Variants in CNOT6L observed in about 807,000 individuals in gnomAD.
The protein encoded by CNOT6L is CCR4-NOT transcription complex subunit 6 like.
In CNOT6L, 7 loss-of-function variants were observed where a neutral mutation model predicts 64.0. The observed-to-expected ratio is 0.11, with a 90% CI of 0.06 to 0.21. The LOEUF (loss-of-function observed/expected upper bound fraction) is 0.21, where lower values mean the gene tolerates loss of function less well. Among genes scored for constraint, CNOT6L ranks in the 10% least tolerant of loss-of-function variants. CNOT6L has a pLI of 1.00. For synonymous variants in CNOT6L, 193 were observed against 243.4 expected (o/e 0.79, Z 1.93); for missense variants, 245 against 669.0 (o/e 0.37, Z 6.99).
At chr4:77,738,153 A>G (rs1183525584) in intron 8 of CNOT6L, among the ~76,000 whole-genome samples, 2 of 152,188 alleles carry the variant, frequency 1.3e-5, no homozygotes, top group African/African-American at 4.8e-5. Context: ...TACAGCAAGA[A>G]CTAAGTGCCA....
intron 4 of CNOT6L, among the ~76,000 whole-genome samples, chr4:77,766,060 T>C (rs895262444): frequency 1.4e-4 from 21 of 152,194 alleles, no homozygotes; most frequent in Admixed American, 1.0e-3. Flanking sequence ...GCCTAACTTA[T>C]GAGCTTTTAA....
rs1437337753 is a variant in CNOT6L, at chr4:77,726,217, C to T, written c.1405G>A (p.Ala469Thr). The T allele has an allele frequency of 4.3e-6, 7 of 1,613,792 alleles. No homozygotes were observed. Among genetic ancestry groups the T allele is most frequent in the South Asian group, 1.1e-5 (1 of 91,084 alleles). The change falls in exon 11 of 12, where the codon GCC becomes ACC. Residue 469 changes from alanine to threonine, a missense_variant. Physicochemically the swap from Ala to Thr is moderately conservative, Grantham distance 58 (BLOSUM62 0). Transcript: ENST00000504123. ...RITHGFQLKS[A>T]YENNLMPYTN... Reference sequence around the variant, plus strand: ...TAAGGCATCAAGTTATTTTCATAGGCGCTCTTAAGTTGGAAGCCATGTGTG... The same window carrying T: ...TAAGGCATCAAGTTATTTTCATAGGTGCTCTTAAGTTGGAAGCCATGTGTG...
chr4:77,733,085 A>G (rs1034524418), intron 8 of CNOT6L, among the ~76,000 whole-genome samples: 2 of 152,142 alleles, frequency 1.3e-5, no homozygotes, highest in Non-Finnish European at 2.9e-5. Context: ...AACAATTTTA[A>G]GCTGTGGAAT....
intron 1 of CNOT6L, among the ~76,000 whole-genome samples, chr4:77,786,315 G>A (rs946053305): frequency 6.7e-6 from 1 of 149,902 alleles, no homozygotes; most frequent in African/African-American, 2.5e-5. Context: ...GAGAGAGAGA[G>A]GAAATAACAT....
At chr4:77,811,685 T>C (rs1008764060) in intron 1 of CNOT6L, among the ~76,000 whole-genome samples, 1 of 152,096 alleles carries the variant, frequency 6.6e-6, no homozygotes, top group Admixed American at 6.5e-5. Flanking sequence ...CTAATCCACA[T>C]TTCACAATTC....
At chr4:77,740,240 A>G (rs2109933195) in intron 8 of CNOT6L, among the ~76,000 whole-genome samples, 1 of 152,152 alleles carries the variant, frequency 6.6e-6, no homozygotes, top group Non-Finnish European at 1.5e-5. Flanking sequence ...GTGTGGTGGC[A>G]TGCACGTGTA....
chr4:77,733,804 TCC>T (rs764677386), intron 8 of CNOT6L, among the ~76,000 whole-genome samples: 5 of 152,038 alleles, frequency 3.3e-5, no homozygotes, highest in Non-Finnish European at 7.4e-5. Context: ...TAATTTCTCT[TCC>T]AAATGACACC....
At chr4:77,747,783 T>C (rs1227693068) in intron 6 of CNOT6L, among the ~76,000 whole-genome samples, 1 of 152,242 alleles carries the variant, frequency 6.6e-6, no homozygotes, top group African/African-American at 2.4e-5. Flanking sequence ...TCAAATACTA[T>C]GTACTACTTC....
At chr4:77,795,086 C>T (rs2110122350) in intron 1 of CNOT6L, among the ~76,000 whole-genome samples, 1 of 145,986 alleles carries the variant, frequency 6.8e-6, no homozygotes, top group East Asian at 2.0e-4. Flanking sequence ...ATGGCACCAT[C>T]TCGGCTCACT....
chr4:77,773,325 T>A (rs1727801693), intron 3 of CNOT6L, among the ~76,000 whole-genome samples, 159 bp from the exon 4 acceptor site: 1 of 152,202 alleles, frequency 6.6e-6, no homozygotes, highest in African/African-American at 2.4e-5. Context: ...AATATAAAAG[T>A]ACTACAAAAT....
intron 1 of CNOT6L, among the ~76,000 whole-genome samples, chr4:77,805,498 T>C (rs191896503): frequency 1.3e-5 from 2 of 152,266 alleles, no homozygotes; most frequent in East Asian, 1.9e-4. Context: ...TCAACCATAA[T>C]AGTATTAGCA....
rs925874059 is a variant in CNOT6L, at chr4:77,802,376, T to C, written c.5+16928A>G. 6.6e-5 allele frequency among the ~76,000 whole-genome samples: 10 copies of C among 152,240 alleles called. 1 individual carries two copies. The highest frequency in any genetic ancestry group is 5.9e-4 in the Admixed American group (9 of 15,290). ...ATGCACATATCCTTTAGGTATGTTA[T>C]ATAGGTTTTAGTCTTCTTTGTATTA... is the stretch of plus-strand genomic sequence containing the variant. On this transcript the variant is annotated intron_variant, in intron 1 of 11. Coordinates refer to ENST00000504123, the MANE Select transcript of CNOT6L (RefSeq NM_144571.3).
chr4:77,715,385 TC>T lies in CNOT6L; in HGVS notation c.*5045del, dbSNP rs528785810. ...AATTAACAATTAATAAGCACAAATG[TC>T]CTTATGTCATAGGCTTTGAAAGTGA... On this transcript the variant is annotated 3_prime_UTR_variant, in exon 12 of 12. Transcript: ENST00000504123. 87 of 152,292 alleles carry T rather than the reference TC, an allele frequency of 5.7e-4. No homozygotes were observed. The highest frequency in any genetic ancestry group is 2.0e-3 in the African/African-American group (84 of 41,576). 9.4% of individuals were successfully genotyped at this position (152,292 alleles called of 1,614,324 possible).
At chr4:77,764,642 C>T (rs541255779) in intron 4 of CNOT6L, among the ~76,000 whole-genome samples, 5 of 152,216 alleles carry the variant, frequency 3.3e-5, no homozygotes, top group African/African-American at 9.6e-5. Context: ...TGAAAAGACC[C>T]CTGACCCAAA....
At chr4:77,779,813 A>C (rs1728650659) in intron 1 of CNOT6L, among the ~76,000 whole-genome samples, 2 of 152,208 alleles carry the variant, frequency 1.3e-5, no homozygotes, top group South Asian at 2.1e-4. Context: ...AAATACAAAA[A>C]ATTAGCCGGG....
chr4:77,818,752 G>T (rs892041995), intron 1 of CNOT6L, among the ~76,000 whole-genome samples: 1 of 151,952 alleles, frequency 6.6e-6, no homozygotes, highest in Non-Finnish European at 1.5e-5. Flanking sequence ...CAGCGCCGTG[G>T]GCTCGCGCGG....
chr4:77,802,617 G>A (rs1731723323), intron 1 of CNOT6L, among the ~76,000 whole-genome samples: 1 of 152,150 alleles, frequency 6.6e-6, no homozygotes, highest in Admixed American at 6.5e-5. Flanking sequence ...TGGAGTTTAT[G>A]GGTGAGAGAG....
intron 8 of CNOT6L, among the ~76,000 whole-genome samples, chr4:77,741,906 T>C (rs1723641015): frequency 6.6e-6 from 1 of 152,200 alleles, no homozygotes; most frequent in Non-Finnish European, 1.5e-5. Context: ...TTCAAGTCTG[T>C]ATCTCTTAAA....
chr4:77,779,607 G>A (rs1209349612), intron 1 of CNOT6L, among the ~76,000 whole-genome samples: 1 of 151,830 alleles, frequency 6.6e-6, no homozygotes, highest in Non-Finnish European at 1.5e-5. Context: ...ACCAAAGTAA[G>A]ATCAATACTG....
Sources: allele counts gnomAD v4.1 joint callset (sites outside exome capture counted in the v4.1 genomes callset), GRCh38; gene constraint gnomAD v4.1.1; transcripts MANE v1.5; gene names NCBI Gene and HGNC (gene_info 2026-07-23, HGNC 2026-07-21).